The following DCDC2 variants were observed in gnomAD, a reference collection of about 807,000 sequenced individuals.
The protein encoded by DCDC2 is doublecortin domain containing 2.
A neutral mutation model predicts 50.2 loss-of-function variants in DCDC2; 40 were observed. That is an observed-to-expected ratio of 0.80 (90% CI 0.62 to 1.04). The LOEUF (loss-of-function observed/expected upper bound fraction) is 1.04. Ranked by LOEUF, DCDC2 falls within the 50% of genes least tolerant of loss-of-function variation. DCDC2 has a pLI of 0.00. For missense variants in DCDC2, 570 were observed against 581.9 expected, an observed-to-expected ratio of 0.98 and a Z score of 0.21; for synonymous variants, 234 against 210.6, an observed-to-expected ratio of 1.11 and a Z score of -0.96.
rs527984373 is a variant in DCDC2, at chr6:24,339,588, C to G, written c.348+13981G>C. Among the ~76,000 whole-genome samples, 130 of 152,230 alleles carry G rather than the reference C, an allele frequency of 8.5e-4. 2 individuals carry two copies. The highest frequency in any genetic ancestry group is 1.5e-3 in the South Asian group (7 of 4,814). On this transcript the variant is annotated intron_variant, in intron 2 of 9. Coordinates refer to ENST00000378454, the MANE Select transcript of DCDC2 (RefSeq NM_016356.5). The stretch of plus-strand genomic sequence containing the variant: ...GAAGGCTTAAAATAATAGCAGAGAC[C>G]ATAGATCAATTCATCTGCAGACTCC...
rs180982583 is a variant in DCDC2, at chr6:24,327,224, G to A, written c.349-25180C>T. ...TCACAGTTAAGGAAACTGAGGCCACGGGCCACCCAGCTTAGGACTTTTGAC... is the reference window on the plus strand; with the variant it reads ...TCACAGTTAAGGAAACTGAGGCCACAGGCCACCCAGCTTAGGACTTTTGAC... On this transcript the variant is annotated intron_variant, in intron 2 of 9. Coordinates refer to ENST00000378454, the MANE Select transcript of DCDC2 (RefSeq NM_016356.5). 2.1e-3 allele frequency among the ~76,000 whole-genome samples: 311 copies of A among 149,538 alleles called. 11 individuals carry two copies. The highest frequency in any genetic ancestry group is 6.3e-3 in the Admixed American group (94 of 14,970).
intron 7 of DCDC2, among the ~76,000 whole-genome samples, chr6:24,207,578 C>T (rs554739373): frequency 1.2e-4 from 18 of 152,170 alleles, no homozygotes; most frequent in African/African-American, 3.1e-4. Flanking sequence ...AATATGAAAG[C>T]GCTGCTGGTG....
At position 24,311,832 on chromosome 6, in the gene DCDC2, C is replaced by T. The variant is rs536636569; in HGVS notation, c.349-9788G>A. Reference sequence around the variant, plus strand: ...ACCCAAGTCTGTCTCCCCTTGACTACTATCAAATATTCTTCACATGAGGCT... The same window carrying T: ...ACCCAAGTCTGTCTCCCCTTGACTATTATCAAATATTCTTCACATGAGGCT... On this transcript the variant is annotated intron_variant, in intron 2 of 9. Transcript: ENST00000378454. Among the ~76,000 whole-genome samples the T allele has an allele frequency of 2.7e-3, 409 of 152,302 alleles. 1 individual carries two copies. The highest frequency in any genetic ancestry group is 6.8e-3 in the Middle Eastern group (2 of 294).
Position 24,353,640 on chromosome 6 carries a change from C to A in DCDC2, c.294-17G>T. ...TCCAAGTAACTGAGGAAAAAACAAA[C>A]AAACAATAAGAGTTGCTTTTATAGA... On this transcript the variant is annotated splice_polypyrimidine_tract_variant and intron_variant, in intron 1 of 9. Transcript: ENST00000378454. 6.5e-7 allele frequency: 1 copy of A among 1,548,120 alleles called. No individual in the cohort carries two copies. Among genetic ancestry groups the A allele is most frequent in the Non-Finnish European group, 8.8e-7 (1 of 1,139,462 alleles).
chr6:24,306,306 A>G (rs1759472027), intron 2 of DCDC2, among the ~76,000 whole-genome samples: 1 of 152,192 alleles, frequency 6.6e-6, no homozygotes. Context: ...AATCAACACC[A>G]AGCAAAAGCA....
chr6:24,303,858 T>C (rs991017569), intron 2 of DCDC2, among the ~76,000 whole-genome samples: 2 of 152,230 alleles, frequency 1.3e-5, no homozygotes, highest in African/African-American at 4.8e-5. Flanking sequence ...AGTGAACCTA[T>C]GTCTATGAGC....
At chr6:24,273,009 TACACACACACACAC>T (rs60162257) in intron 7 of DCDC2, among the ~76,000 whole-genome samples, 1 of 149,364 alleles carries the variant, frequency 6.7e-6, no homozygotes, top group South Asian at 2.1e-4. Flanking sequence ...TATAAAGACA[TACACACACACACAC>T]ACACACACAC....
At chr6:24,330,783 G>A (rs956679021) in intron 2 of DCDC2, among the ~76,000 whole-genome samples, 1 of 152,172 alleles carries the variant, frequency 6.6e-6, no homozygotes, top group Non-Finnish European at 1.5e-5. Flanking sequence ...TATTCTATCT[G>A]AATAAGAGAA....
intron 8 of DCDC2, 23 bp downstream of exon 8, chr6:24,204,979 A>AT (rs1163538097): frequency 6.3e-7 from 1 of 1,599,216 alleles, no homozygotes; most frequent in Non-Finnish European, 8.5e-7. Flanking sequence ...TCTTACACAT[A>AT]TTTTTTAAGG....
intron 7 of DCDC2, among the ~76,000 whole-genome samples, chr6:24,230,512 C>G (rs576792216): frequency 1.3e-5 from 2 of 152,096 alleles, no homozygotes; most frequent in African/African-American, 4.8e-5. Context: ...AGTGTGGTGG[C>G]GCACACCTCT....
At position 24,334,350 on chromosome 6, in the gene DCDC2, C is replaced by A. The variant is rs1760019536; in HGVS notation, c.348+19219G>T. On this transcript the variant is annotated intron_variant, in intron 2 of 9. Coordinates refer to ENST00000378454, the MANE Select transcript of DCDC2 (RefSeq NM_016356.5). ...GACGAAAACCAGGACTTGCGGTGGC[C>A]CTCATTAAATAAGGTTAAGATGCCA... Among the ~76,000 whole-genome samples, 3 of 152,060 alleles carry A rather than the reference C, an allele frequency of 2.0e-5. No homozygotes were observed. In the South Asian group the frequency reaches 6.2e-4, roughly 32 times the overall value.
At chr6:24,182,747 C>T (rs1296690206) in intron 8 of DCDC2, among the ~76,000 whole-genome samples, 1 of 151,902 alleles carries the variant, frequency 6.6e-6, no homozygotes, top group East Asian at 1.9e-4. Flanking sequence ...TATGGTCATT[C>T]CTCAAAAAGT....
rs1760792603 is a variant in DCDC2, at chr6:24,172,157, GTCATCTC to G, written c.*2566_*2572del. The G allele has an allele frequency of 6.6e-6, 1 of 152,182 alleles. No homozygotes were observed. Among genetic ancestry groups the G allele is most frequent in the African/African-American group, 2.4e-5 (1 of 41,446 alleles). 9.4% of individuals were successfully genotyped at this position (152,182 alleles called of 1,614,324 possible). On this transcript the variant is annotated 3_prime_UTR_variant, in exon 10 of 10. Coordinates refer to ENST00000378454, the MANE Select transcript of DCDC2 (RefSeq NM_016356.5). ...ATGAACTTTCAGCATTTATGTTAAA[GTCATCTC>G]TGAAGTGACATCCACAATTTTAATT...
At chr6:24,281,487 GAA>G (rs59842458) in intron 6 of DCDC2, among the ~76,000 whole-genome samples, 9,510 of 83,890 alleles carry the variant, frequency 0.11, 275 homozygotes, top group African/African-American at 0.22. Flanking sequence ...ATGCTTTTAA[GAA>G]AAAAAAAAAA....
intron 8 of DCDC2, among the ~76,000 whole-genome samples, chr6:24,184,177 A>G (rs2113744539): frequency 6.6e-6 from 1 of 152,342 alleles, no homozygotes; most frequent in South Asian, 2.1e-4. Flanking sequence ...CCTTAAATTA[A>G]TAACCAAACA....
intron 7 of DCDC2, among the ~76,000 whole-genome samples, chr6:24,237,695 T>A (rs1348925798): frequency 6.6e-6 from 1 of 152,036 alleles, no homozygotes; most frequent in Non-Finnish European, 1.5e-5. Flanking sequence ...GTGGATTGGG[T>A]AAAGAAAATG....
At chr6:24,277,961 G>A (rs1763395433) in intron 7 of DCDC2, 88 bp downstream of exon 7, 2 of 1,074,788 alleles carry the variant, frequency 1.9e-6, no homozygotes, top group African/African-American at 1.6e-5. Context: ...TGAAAATAAG[G>A]AATATCTTCT....
At chr6:24,316,992 T>C (rs996149686) in intron 2 of DCDC2, among the ~76,000 whole-genome samples, 1 of 149,220 alleles carries the variant, frequency 6.7e-6, no homozygotes, top group Non-Finnish European at 1.5e-5. Flanking sequence ...CATATATATG[T>C]AGAGAGAGAG....
chr6:24,362,353 TTA>T (rs1303238979), upstream of DCDC2, among the ~76,000 whole-genome samples: 28 of 144,622 alleles, frequency 1.9e-4, no homozygotes, highest in African/African-American at 6.1e-4. Context: ...GTTGATACAA[TTA>T]TTTTTTATTT....
Sources: gnomAD v4.1 joint callset for allele counts (sites outside exome capture counted in the v4.1 genomes callset) on GRCh38, gnomAD v4.1.1 for gene constraint, MANE v1.5 for transcripts, NCBI Gene and HGNC (gene_info 2026-07-23, HGNC 2026-07-21) for gene names.